NBEA: variants seen among roughly 807,000 people sequenced by gnomAD.
NBEA encodes the protein neurobeachin.
Under a neutral mutation model 343.4 loss-of-function variants are expected in NBEA, and 44 were observed. The observed-to-expected ratio is 0.13, with a 90% CI of 0.10 to 0.16. The LOEUF (loss-of-function observed/expected upper bound fraction) is 0.16. Ranked by LOEUF, NBEA falls within the 10% of genes least tolerant of loss-of-function variation. The pLI, the probability that NBEA is intolerant of heterozygous loss-of-function variation, is 1.00. For missense variants in NBEA, 2,555 were observed against 3,631.3 expected (o/e 0.70, Z 7.62); for synonymous variants, 1,175 against 1,238.7 (o/e 0.95, Z 1.08).
At chr13:35,025,969 T>C (rs1311368462) in intron 1 of NBEA, among the ~76,000 whole-genome samples, 2 of 152,172 alleles carry the variant, frequency 1.3e-5, no homozygotes, top group Non-Finnish European at 2.9e-5. Flanking sequence ...TTTGATTTTT[T>C]TTTTCTTGAA....
chr13:35,035,951 C>T (rs1262139190), intron 1 of NBEA, among the ~76,000 whole-genome samples: 1 of 151,810 alleles, frequency 6.6e-6, no homozygotes, highest in African/African-American at 2.4e-5. Flanking sequence ...ATAGGTCTTG[C>T]TCTTTCATCC....
At chr13:35,632,495 T>C (rs2083494144) in intron 49 of NBEA, among the ~76,000 whole-genome samples, 1 of 148,788 alleles carries the variant, frequency 6.7e-6, no homozygotes, top group Non-Finnish European at 1.5e-5. Flanking sequence ...TTGGAAAGCT[T>C]TTTTTTTTTC....
At chr13:34,998,814 C>T (rs528837683) in intron 1 of NBEA, among the ~76,000 whole-genome samples, 2 of 152,066 alleles carry the variant, frequency 1.3e-5, no homozygotes, top group African/African-American at 4.8e-5. Flanking sequence ...CCTGAGGCGA[C>T]ATACATCCTC....
chr13:35,446,676 A>G (rs902249070), intron 39 of NBEA, among the ~76,000 whole-genome samples: 5 of 152,156 alleles, frequency 3.3e-5, no homozygotes, highest in African/African-American at 1.2e-4. Context: ...CAAATCAGTA[A>G]AATAGTGAGG....
intron 41 of NBEA, among the ~76,000 whole-genome samples, chr13:35,544,904 A>G (rs1283537034): frequency 6.6e-6 from 1 of 152,182 alleles, no homozygotes; most frequent in Non-Finnish European, 1.5e-5. Flanking sequence ...GTATTTGTTG[A>G]TTAGATTTCA....
Position 35,452,087 on chromosome 13 carries a change from AT to A in NBEA, c.6305-3del, listed in dbSNP as rs1566153481. 1.9e-6 allele frequency: 3 copies of A among 1,607,908 alleles called. No homozygotes were observed. Among genetic ancestry groups the A allele is most frequent in the Non-Finnish European group, 2.5e-6 (3 of 1,176,500 alleles). On this transcript the variant is annotated splice_polypyrimidine_tract_variant and splice_region_variant and intron_variant, in intron 39 of 58. Transcript: ENST00000379939. ...CCTAAATGATTATATTTTTGTTGTGATTAGGCACGGAAGAAGATGTAGTAAA... is the reference window on the plus strand; with the variant it reads ...CCTAAATGATTATATTTTTGTTGTGATAGGCACGGAAGAAGATGTAGTAAA...
At chr13:35,576,008 T>C (rs996656592) in intron 45 of NBEA, among the ~76,000 whole-genome samples, 18 of 152,206 alleles carry the variant, frequency 1.2e-4, no homozygotes, top group Admixed American at 6.5e-4. Context: ...TGAATTTGTC[T>C]TTTTGTTCCT....
At position 35,159,629 on chromosome 13, in the gene NBEA, A is replaced by G. The variant is rs1433479031; in HGVS notation, c.3458A>G (p.Lys1153Arg). ...STSFLFDKIP[K>R]QEEKLLPELS... ...TCATTTCTCTTTGATAAAATACCCA[A>G]ACAGGAGGAAAAACTACTTCCTGAA... Residue 1153 changes from lysine (K) to arginine (R), a missense_variant, in exon 22 of 59, where the codon AAA (lysine) becomes AGA (arginine). By Grantham distance (26) the Lys-to-Arg change is conservative (BLOSUM62 2). This residue lies in a region of NBEA where 367 missense variants were observed against 377.5 expected (regional missense o/e 0.97). Transcript: ENST00000379939. 1 of 1,610,998 alleles carries G rather than the reference A, an allele frequency of 6.2e-7. No individual in the cohort carries two copies. The highest frequency in any genetic ancestry group is 8.5e-7 in the Non-Finnish European group (1 of 1,178,686).
At chr13:35,007,295 A>G (rs937167859) in intron 1 of NBEA, among the ~76,000 whole-genome samples, 5 of 151,692 alleles carry the variant, frequency 3.3e-5, no homozygotes, top group Non-Finnish European at 7.4e-5. Flanking sequence ...CTCTGTTTTT[A>G]TCCTTATGTC....
At chr13:35,397,658 A>G (rs1439230943) in intron 38 of NBEA, among the ~76,000 whole-genome samples, 1 of 152,174 alleles carries the variant, frequency 6.6e-6, no homozygotes, top group Non-Finnish European at 1.5e-5. Flanking sequence ...GACCACTACA[A>G]TACAGTGAAC....
rs138234796 is a variant in NBEA at position 35,177,752 on chromosome 13, T to A, written c.4662+649T>A. The stretch of plus-strand genomic sequence containing the variant: ...TGACAGCATCTCTTAACATGGTTAT[T>A]ATAAACCAGCCACTTTGAATTCTGT... On this transcript the variant is annotated intron_variant, in intron 28 of 58. Transcript: ENST00000379939. Among the ~76,000 whole-genome samples, 7 of 151,916 alleles carry A rather than the reference T, an allele frequency of 4.6e-5. No individual in the cohort carries two copies. In the East Asian group the frequency reaches 1.2e-3, roughly 25 times the overall value.
intron 38 of NBEA, among the ~76,000 whole-genome samples, chr13:35,426,708 G>A (rs1594596410): frequency 6.6e-6 from 1 of 152,184 alleles, no homozygotes; most frequent in East Asian, 1.9e-4. Flanking sequence ...GCTAGGTTGG[G>A]GAAGTTCTCC....
intron 1 of NBEA, among the ~76,000 whole-genome samples, chr13:35,005,390 A>C (rs557791229): frequency 1.5e-4 from 23 of 152,122 alleles, no homozygotes; most frequent in Non-Finnish European, 2.9e-4. Flanking sequence ...CTTCTGCTTT[A>C]ACCCTGTGAG....
intron 16 of NBEA, among the ~76,000 whole-genome samples, chr13:35,121,298 G>C (rs1292870235): frequency 6.6e-6 from 1 of 151,830 alleles, no homozygotes; most frequent in African/African-American, 2.4e-5. Context: ...GTAGAGACAG[G>C]GTTTCACCAT....
chr13:35,252,189 A>G (rs2032057579), intron 34 of NBEA, among the ~76,000 whole-genome samples: 1 of 152,124 alleles, frequency 6.6e-6, no homozygotes, highest in Admixed American at 6.5e-5. Flanking sequence ...TGGAAGGGAA[A>G]GCAAGGTACC....
intron 36 of NBEA, among the ~76,000 whole-genome samples, chr13:35,316,079 AG>A (rs1427606707): frequency 6.8e-6 from 1 of 146,386 alleles, no homozygotes; most frequent in Non-Finnish European, 1.5e-5. Flanking sequence ...GACCTATGCC[AG>A]GTTTTCTTTA....
intron 8 of NBEA, among the ~76,000 whole-genome samples, chr13:35,064,507 A>G (rs576938598): frequency 6.6e-6 from 1 of 152,206 alleles, no homozygotes; most frequent in East Asian, 1.9e-4. Flanking sequence ...AATTACTGAA[A>G]ATACAGTTAA....
intron 1 of NBEA, among the ~76,000 whole-genome samples, chr13:34,948,207 T>C (rs1397280569): frequency 6.6e-6 from 1 of 152,188 alleles, no homozygotes; most frequent in Non-Finnish European, 1.5e-5. Context: ...TTATTCCCCA[T>C]TTGTAGTTCA....
At chr13:34,992,216 GTGTATA>G (rs1463333574) in intron 1 of NBEA, among the ~76,000 whole-genome samples, 69 of 130,758 alleles carry the variant, frequency 5.3e-4, no homozygotes, top group Non-Finnish European at 6.4e-4. Context: ...GTGTGTGTGT[GTGTATA>G]TGTGTGTGTG....
Sources: allele counts gnomAD v4.1 joint callset (sites outside exome capture counted in the v4.1 genomes callset), GRCh38; gene constraint gnomAD v4.1.1; regional missense constraint gnomAD v4.1.1; transcripts MANE v1.5; gene names NCBI Gene and HGNC (gene_info 2026-07-23, HGNC 2026-07-21).